The following MAP2K4 variants were observed in gnomAD, a reference collection of about 807,000 sequenced individuals.
MAP2K4 encodes dual specificity mitogen-activated protein kinase kinase 4.
A neutral mutation model predicts 48.5 loss-of-function variants in MAP2K4; 4 were observed. The observed-to-expected ratio is 0.08, with a 90% CI of 0.04 to 0.19. The LOEUF (loss-of-function observed/expected upper bound fraction) is 0.19. Among genes scored for constraint, MAP2K4 ranks in the 10% least tolerant of loss-of-function variants. The pLI is 1.00. For synonymous variants in MAP2K4, 166 were observed against 173.1 expected, an observed-to-expected ratio of 0.96 and a Z score of 0.32; for missense variants, 258 against 493.3, an observed-to-expected ratio of 0.52 and a Z score of 4.52.
intron 6 of MAP2K4, chr17:12,110,877 T>A (rs1972282530): frequency 6.4e-6 from 1 of 156,830 alleles, no homozygotes; most frequent in African/African-American, 2.4e-5. Flanking sequence ...ATTAGTATTA[T>A]AAGTTGAAAT....
chr17:12,036,896 C>G (rs955876440), intron 1 of MAP2K4, among the ~76,000 whole-genome samples: 1 of 126,668 alleles, frequency 7.9e-6, no homozygotes, highest in African/African-American at 2.7e-5. Context: ...ATCCTCCCCC[C>G]CGCCACCTTT....
At chr17:12,134,165 C>T (rs1973130677) in intron 9 of MAP2K4, among the ~76,000 whole-genome samples, 1 of 152,158 alleles carries the variant, frequency 6.6e-6, no homozygotes, top group African/African-American at 2.4e-5. Flanking sequence ...GGCTCTCCAC[C>T]TAGGTGATGA....
intron 9 of MAP2K4, among the ~76,000 whole-genome samples, chr17:12,133,195 C>T (rs1018853088): frequency 6.6e-6 from 1 of 152,136 alleles, no homozygotes; most frequent in Admixed American, 6.5e-5. Context: ...GATTCTCCTG[C>T]CTCAGCCTCC....
At chr17:12,131,234 C>CTTTTTTTTTTTTTTTTTT (rs11307653) in intron 9 of MAP2K4, among the ~76,000 whole-genome samples, 3 of 130,940 alleles carry the variant, frequency 2.3e-5, no homozygotes, top group African/African-American at 5.6e-5. Flanking sequence ...GGTCACATTT[C>CTTTTTTTTTTTTTTTTTT]TTTTTTTTTT....
At chr17:12,125,104 A>G (rs1166342276) in intron 7 of MAP2K4, 190 bp from the exon 8 acceptor site, 1 of 573,290 alleles carries the variant, frequency 1.7e-6, no homozygotes, top group Non-Finnish European at 3.1e-6. Context: ...TCTTTATGGA[A>G]GTAGCCATTA....
chr17:12,119,321 A>G (rs752840140), intron 7 of MAP2K4, among the ~76,000 whole-genome samples: 3 of 152,246 alleles, frequency 2.0e-5, no homozygotes, highest in Non-Finnish European at 4.4e-5. Flanking sequence ...ACCTCATTAA[A>G]AAGTGGGTAA....
intron 2 of MAP2K4, among the ~76,000 whole-genome samples, chr17:12,069,309 C>T (rs1970712996): frequency 6.6e-6 from 1 of 152,136 alleles, no homozygotes; most frequent in African/African-American, 2.4e-5. Flanking sequence ...AGATTTAGGG[C>T]AGTTTTCCTT....
chr17:12,053,282 T>C lies in MAP2K4; in HGVS notation c.116-1607T>C, dbSNP rs60948117. Among the ~76,000 whole-genome samples the C allele has an allele frequency of 3.3e-5, 5 of 152,252 alleles. No individual in the cohort carries two copies. In the East Asian group the frequency reaches 9.6e-4, roughly 29 times the overall value. On this transcript the variant is annotated intron_variant, in intron 1 of 10. Coordinates refer to ENST00000353533, the MANE Select transcript of MAP2K4 (RefSeq NM_003010.4). Reference sequence around the variant, plus strand: ...TACCTAGCCATTCTGATCATCATGTTATCATTATGTATATATAATATAAAA... The same window carrying C: ...TACCTAGCCATTCTGATCATCATGTCATCATTATGTATATATAATATAAAA...
intron 1 of MAP2K4, among the ~76,000 whole-genome samples, chr17:12,042,623 A>G (rs1164294962): frequency 7.1e-6 from 1 of 140,474 alleles, no homozygotes; most frequent in African/African-American, 2.6e-5. Context: ...CCTGGGCAGC[A>G]GAGTGAGACC....
At chr17:12,112,235 G>A (rs79965359) in intron 6 of MAP2K4, among the ~76,000 whole-genome samples, 2,073 of 152,214 alleles carry the variant, frequency 0.014, 16 homozygotes, top group East Asian at 0.046. Context: ...GACCAAGGCA[G>A]CTGGATCACT....
At chr17:12,127,139 C>T (rs1007412780) in intron 8 of MAP2K4, among the ~76,000 whole-genome samples, 13 of 152,160 alleles carry the variant, frequency 8.5e-5, no homozygotes, top group East Asian at 5.8e-4. Context: ...GAGAATTCTT[C>T]GTATAGAGAG....
At chr17:12,095,846 C>A in intron 4 of MAP2K4, 152 bp downstream of exon 4, 2 of 983,020 alleles carry the variant, frequency 2.0e-6, no homozygotes, top group Non-Finnish European at 1.5e-6. Context: ...TACATATTAA[C>A]TTCTGACTCT....
chr17:12,032,292 G>A (rs1969464634), intron 1 of MAP2K4: 6 of 1,390,300 alleles, frequency 4.3e-6, no homozygotes, highest in South Asian at 1.6e-5. Context: ...CTGTGAAAAG[G>A]CACAAAGTAA....
At chr17:12,102,894 C>G (rs1971979846) in intron 4 of MAP2K4, among the ~76,000 whole-genome samples, 2 of 151,860 alleles carry the variant, frequency 1.3e-5, no homozygotes, top group African/African-American at 4.8e-5. Flanking sequence ...GTCTCCCCCT[C>G]CCTCCCACTT....
chr17:12,113,464 G>T, intron 7 of MAP2K4, 104 bp downstream of exon 7: 2 of 1,394,692 alleles, frequency 1.4e-6, no homozygotes, highest in Non-Finnish European at 1.9e-6. Context: ...GAAACTGCTA[G>T]AATATTTCCC....
At chr17:12,140,349 G>T (rs1203526263) in intron 10 of MAP2K4, among the ~76,000 whole-genome samples, 1 of 152,140 alleles carries the variant, frequency 6.6e-6, no homozygotes, top group African/African-American at 2.4e-5. Context: ...CATTGGTGGG[G>T]CAGGGAGAAA....
chr17:12,096,159 T>C (rs1215358613), intron 4 of MAP2K4, among the ~76,000 whole-genome samples: 6 of 144,960 alleles, frequency 4.1e-5, no homozygotes, highest in African/African-American at 1.5e-4. Context: ...TATAAACACT[T>C]ATGTGTCCCT....
chr17:12,128,166 C>T (rs950014261), intron 8 of MAP2K4, among the ~76,000 whole-genome samples: 1 of 152,226 alleles, frequency 6.6e-6, no homozygotes, highest in African/African-American at 2.4e-5. Flanking sequence ...CAAACTCCGC[C>T]TCCTGGGTTC....
intron 3 of MAP2K4, among the ~76,000 whole-genome samples, chr17:12,089,325 T>C (rs1400819644): frequency 6.6e-6 from 1 of 152,196 alleles, no homozygotes; most frequent in East Asian, 1.9e-4. Flanking sequence ...AGATTCCACA[T>C]AGATTGCTGA....
Sources: allele counts gnomAD v4.1 joint callset (sites outside exome capture counted in the v4.1 genomes callset), GRCh38; gene constraint gnomAD v4.1.1; transcripts MANE v1.5; gene names NCBI Gene and HGNC (gene_info 2026-07-23, HGNC 2026-07-21).